Variants in DAPK2 observed in about 807,000 individuals in gnomAD.
DAPK2 encodes the protein death associated protein kinase 2.
A neutral mutation model predicts 44.1 loss-of-function variants in DAPK2; 35 were observed. The observed-to-expected ratio is 0.79, with a 90% CI of 0.61 to 1.05. The LOEUF is 1.05. Among genes scored for constraint, DAPK2 ranks in the 50% least tolerant of loss-of-function variants. The probability of loss-of-function intolerance (pLI) is 0.00; values close to 1 mark genes in which losing one functional copy is unlikely to be tolerated. For synonymous variants in DAPK2, 174 were observed against 182.6 expected, an observed-to-expected ratio of 0.95 and a Z score of 0.38; for missense variants, 453 against 483.2, an observed-to-expected ratio of 0.94 and a Z score of 0.59.
intron 3 of DAPK2, among the ~76,000 whole-genome samples, chr15:63,960,005 G>A (rs1241222083): frequency 3.3e-5 from 5 of 152,140 alleles, no homozygotes; most frequent in Non-Finnish European, 5.9e-5. Context: ...TGGTTGGTAG[G>A]CTATTAATTA....
chr15:63,929,726 C>T (rs772433051), intron 5 of DAPK2, 149 bp from the exon 7 acceptor site: 54 of 893,858 alleles, frequency 6.0e-5, no homozygotes, highest in African/African-American at 1.1e-4. Context: ...CCATCTCCAT[C>T]CTGCTCTTCA....
chr15:63,924,792 T>C, intron 8 of DAPK2, 24 bp downstream of exon 9: 1 of 1,613,926 alleles, frequency 6.2e-7, no homozygotes, highest in Non-Finnish European at 8.5e-7. Flanking sequence ...CTTTGCCCAT[T>C]GGAACTCATG....
intron 1 of DAPK2, among the ~76,000 whole-genome samples, chr15:63,993,762 C>T (rs930792712): frequency 6.6e-6 from 1 of 152,006 alleles, no homozygotes; most frequent in Non-Finnish European, 1.5e-5. Flanking sequence ...GTTTTCTCAT[C>T]CAAAAATGAA....
At chr15:63,997,135 C>T (rs1424580447) in intron 1 of DAPK2, among the ~76,000 whole-genome samples, 1 of 152,172 alleles carries the variant, frequency 6.6e-6, no homozygotes, top group Non-Finnish European at 1.5e-5. Context: ...TCTGTCATCA[C>T]CACCCCCAAT....
intron 2 of DAPK2, among the ~76,000 whole-genome samples, chr15:63,979,628 T>C (rs759009370): frequency 2.0e-5 from 3 of 152,166 alleles, no homozygotes; most frequent in Non-Finnish European, 4.4e-5. Flanking sequence ...CAAAAGCCCA[T>C]GAGGCTGGGT....
intron 10 of DAPK2, among the ~76,000 whole-genome samples, chr15:63,910,175 A>G (rs1414003796): frequency 2.3e-5 from 3 of 132,578 alleles, no homozygotes; most frequent in Non-Finnish European, 3.3e-5. Context: ...GGAGACGAGG[A>G]AAGCAGCCAG....
intron 3 of DAPK2, among the ~76,000 whole-genome samples, chr15:63,959,525 T>C (rs976005193): frequency 2.0e-5 from 3 of 152,214 alleles, no homozygotes; most frequent in Admixed American, 6.5e-5. Flanking sequence ...TTGAGACACG[T>C]CCCATCAATA....
chr15:63,981,684 T>C (rs1056366234), intron 2 of DAPK2, among the ~76,000 whole-genome samples: 12 of 152,066 alleles, frequency 7.9e-5, no homozygotes, highest in African/African-American at 2.9e-4. Context: ...CATAATAAAC[T>C]TTTTAAGAAG....
chr15:63,986,855 G>GCTGAGAACCA (rs11283038), intron 1 of DAPK2, among the ~76,000 whole-genome samples: 83,792 of 151,584 alleles, frequency 0.55, 23,884 homozygotes, highest in Non-Finnish European at 0.62. Flanking sequence ...TGCAGCCAGG[G>GCTGAGAACCA]CTGACTTACA....
chr15:63,971,469 C>T, exon 3 of DAPK2: 1 of 1,614,194 alleles, frequency 6.2e-7, no homozygotes, highest in Non-Finnish European at 8.5e-7. Flanking sequence ...GTAGTTCACC[C>T]CATCCAGGAT....
At chr15:64,002,237 T>C (rs1343324001) in intron 1 of DAPK2, among the ~76,000 whole-genome samples, 3 of 152,166 alleles carry the variant, frequency 2.0e-5, no homozygotes, top group Non-Finnish European at 4.4e-5. Flanking sequence ...AGATCAACCA[T>C]AGTGTTAAGA....
At chr15:64,001,964 C>T (rs988094189) in intron 1 of DAPK2, among the ~76,000 whole-genome samples, 57 of 152,216 alleles carry the variant, frequency 3.7e-4, no homozygotes, top group African/African-American at 1.2e-3. Context: ...GTATTATGAA[C>T]AAACACAAAT....
chr15:63,951,392 G>A (rs984916975), intron 3 of DAPK2, among the ~76,000 whole-genome samples: 2 of 152,134 alleles, frequency 1.3e-5, no homozygotes, highest in Non-Finnish European at 2.9e-5. Context: ...AGTGCTACCA[G>A]GTACCGAAGG....
intron 1 of DAPK2, among the ~76,000 whole-genome samples, chr15:64,007,499 C>T (rs1446709455): frequency 1.3e-5 from 2 of 152,166 alleles, no homozygotes; most frequent in African/African-American, 4.8e-5. Flanking sequence ...CCTGATCTCC[C>T]AGCCTCAGAG....
intron 1 of DAPK2, among the ~76,000 whole-genome samples, chr15:64,017,903 C>T (rs922361885): frequency 1.3e-5 from 2 of 152,164 alleles, no homozygotes; most frequent in African/African-American, 4.8e-5. Flanking sequence ...ATTCCTGTAA[C>T]TTTGAAACCT....
rs1267316984 is a variant in DAPK2, at chr15:64,020,398, T to C, written c.92+19772A>G. Reference sequence around the variant, plus strand: ...GGGCACTTGCTCTGAAATGGTCAATTTCACAGGGGTCTTCCCCAAGAGTGG... The same window carrying C: ...GGGCACTTGCTCTGAAATGGTCAATCTCACAGGGGTCTTCCCCAAGAGTGG... On this transcript the variant is annotated intron_variant, in intron 1 of 10. Transcript: ENST00000261891. The surrounding 1 kb of genome is among the most constrained non-coding windows in gnomAD (Gnocchi z 4.5). Among the ~76,000 whole-genome samples the C allele has an allele frequency of 6.6e-6, 1 of 152,188 alleles. No individual in the cohort carries two copies. Among genetic ancestry groups the C allele is most frequent in the African/African-American group, 2.4e-5 (1 of 41,430 alleles).
chr15:63,927,220 C>T (rs149552877), intron 6 of DAPK2, among the ~76,000 whole-genome samples: 8 of 152,142 alleles, frequency 5.3e-5, no homozygotes, highest in Admixed American at 4.6e-4. Flanking sequence ...ATTGTGAGAA[C>T]ACAAAAGCCC....
At chr15:63,982,677 C>T (rs1024562158) in intron 2 of DAPK2, among the ~76,000 whole-genome samples, 3 of 152,318 alleles carry the variant, frequency 2.0e-5, no homozygotes, top group South Asian at 2.1e-4. Flanking sequence ...TCTTCCTCTG[C>T]TAAGCCAGCA....
chr15:63,957,689 T>TC (rs2077765863), intron 3 of DAPK2, among the ~76,000 whole-genome samples: 1 of 152,070 alleles, frequency 6.6e-6, no homozygotes, highest in Non-Finnish European at 1.5e-5. Context: ...CATGAACTCA[T>TC]CATTTTTTAT....
Sources: allele counts gnomAD v4.1 joint callset (sites outside exome capture counted in the v4.1 genomes callset), GRCh38; gene constraint gnomAD v4.1.1; non-coding constraint Gnocchi (gnomAD v3.1); transcripts MANE v1.5; gene names NCBI Gene and HGNC (gene_info 2026-07-23, HGNC 2026-07-21).